Variants in MATK observed in about 807,000 individuals in gnomAD.
The protein encoded by MATK is megakaryocyte-associated tyrosine-protein kinase.
Under a neutral mutation model 59.8 loss-of-function variants are expected in MATK, and 41 were observed. The ratio of observed to expected loss-of-function variants is 0.69; its 90% CI spans 0.53 to 0.89. The LOEUF (loss-of-function observed/expected upper bound fraction) is 0.89, where lower values mean the gene tolerates loss of function less well. MATK is among the 40% of genes least tolerant of loss of function. The pLI, the probability that MATK is intolerant of heterozygous loss-of-function variation, is 0.00. For missense variants in MATK, 593 were observed against 719.6 expected (o/e 0.82, Z 2.01); for synonymous variants, 308 against 306.1 (o/e 1.01, Z -0.06).
intron 1 of MATK, 23 bp from the exon 2 acceptor site, chr19:3,785,309 G>A (rs2037466478): frequency 7.0e-7 from 1 of 1,425,378 alleles, no homozygotes; most frequent in Non-Finnish European, 9.3e-7. Flanking sequence ...CAGGGGCAGG[G>A]TGGGGAAATA....
upstream of MATK, among the ~76,000 whole-genome samples, chr19:3,788,164 G>A (rs2037507642): frequency 6.7e-6 from 1 of 148,678 alleles, no homozygotes; most frequent in Non-Finnish European, 1.5e-5. Flanking sequence ...GGGCATCCAG[G>A]ATGCTCTCTC....
chr19:3,778,104 C>T lies in MATK; in HGVS notation c.*79G>A. The T allele has an allele frequency of 4.0e-6, 6 of 1,493,492 alleles. No homozygotes were observed. The highest frequency in any genetic ancestry group is 5.3e-6 in the Non-Finnish European group (6 of 1,134,264). 92.5% of individuals were successfully genotyped at this position (1,493,492 alleles called of 1,614,324 possible). A position where few individuals can be genotyped will look rare whatever the true frequency, so the allele number is the denominator to read the frequency against. ...AGGATGACTTGCCCGCCTGGACCCT[C>T]CTTGGGCCTGGTCAGTGCCCCCACG... On this transcript the variant is annotated 3_prime_UTR_variant, in exon 14 of 14. Coordinates refer to ENST00000310132, the MANE Select transcript of MATK (RefSeq NM_139355.3).
chr19:3,795,722 C>G (rs1195295031), intron 1 of MATK, among the ~76,000 whole-genome samples: 1 of 146,546 alleles, frequency 6.8e-6, no homozygotes, highest in Non-Finnish European at 1.5e-5. Flanking sequence ...GCTGCCTTCT[C>G]ACAGTCTTTA....
At chr19:3,785,010 C>T in intron 2 of MATK, 54 bp downstream of exon 2, 1 of 1,584,366 alleles carries the variant, frequency 6.3e-7, no homozygotes, top group East Asian at 2.2e-5. Flanking sequence ...CAGAGGCATC[C>T]TGGATGGGAC....
rs1195871522 is a variant in MATK at position 3,786,146 on chromosome 19, C to A, written c.-152+23G>T. On this transcript the variant is annotated intron_variant, in intron 1 of 13. Transcript: ENST00000310132. The surrounding 1 kb of genome is among the most constrained non-coding windows in gnomAD (Gnocchi z 4.1). ...CCACCCCGGCCTCGGGGTCTCTCCA[C>A]GTCTCCCCGCCGACGTGCTCACCTG... 10 of 962,884 alleles carry A rather than the reference C, an allele frequency of 1.0e-5. No individual in the cohort carries two copies. Among genetic ancestry groups the A allele is most frequent in the South Asian group, 4.8e-5 (1 of 20,870 alleles). 59.6% of individuals were successfully genotyped at this position (962,884 alleles called of 1,614,324 possible).
upstream of MATK, chr19:3,786,480 G>A: frequency 2.4e-6 from 2 of 819,266 alleles, no homozygotes; most frequent in Non-Finnish European, 2.9e-6. This position sits in a 1 kb window ranked among gnomAD's most constrained non-coding sequence, Gnocchi z 4.1. Flanking sequence ...GTCCCGGGGC[G>A]CACGCGGGCT....
chr19:3,801,583 C>G (rs1055494326), exon 1 of MATK: 8 of 152,470 alleles, frequency 5.2e-5, no homozygotes, highest in Non-Finnish European at 7.3e-5. Context: ...CCGAGGTCCC[C>G]GCGCTCCAGT....
At chr19:3,793,567 T>C (rs2037564185) in intron 1 of MATK, among the ~76,000 whole-genome samples, 2 of 152,108 alleles carry the variant, frequency 1.3e-5, no homozygotes, top group South Asian at 4.1e-4. Flanking sequence ...CCAGGTGTGG[T>C]GGCGGGTGCC....
Position 3,778,011 on chromosome 19 carries a change from CA to C in MATK, c.*171del. The C allele has an allele frequency of 1.2e-6, 1 of 817,146 alleles. No individual in the cohort carries two copies. Among genetic ancestry groups the C allele is most frequent in the Non-Finnish European group, 1.8e-6 (1 of 557,702 alleles). The allele number at this position is 817,146 out of a possible 1,614,324, so 50.6% of individuals were successfully genotyped here. On this transcript the variant is annotated 3_prime_UTR_variant, in exon 14 of 14. Coordinates refer to ENST00000310132, the MANE Select transcript of MATK (RefSeq NM_139355.3). ...GTCTTTATCGGGCGATCATCCTTCGCAGGTCTGGGGTGTCCACGGGCCGCCC... is the reference window on the plus strand; with the variant it reads ...GTCTTTATCGGGCGATCATCCTTCGCGGTCTGGGGTGTCCACGGGCCGCCC...
At chr19:3,790,977 G>A (rs939183731), upstream of MATK, among the ~76,000 whole-genome samples, 5 of 152,166 alleles carry the variant, frequency 3.3e-5, no homozygotes, top group Non-Finnish European at 5.9e-5. Context: ...AGCAGGGAGA[G>A]ACACTGAATC....
In MATK at chr19:3,784,221, C is replaced by T. The variant is rs774774723; in HGVS notation, c.265G>A (p.Val89Ile). ...EACENKSWYR[V>I]KHHTSGQEGL... ...TCCTGTCCACTGGTGTGGTGCTTGA[C>T]GCGGTACCAGCTCTTGTTCTGCCAG... The change falls in exon 5 of 14, where the codon GTC becomes ATC. Residue 89 changes from valine to isoleucine, a missense_variant. Physicochemically the swap from Val to Ile is conservative, Grantham distance 29. Coordinates refer to ENST00000310132, the MANE Select transcript of MATK (RefSeq NM_139355.3). The T allele has an allele frequency of 5.6e-6, 9 of 1,613,144 alleles. No homozygotes were observed. Among genetic ancestry groups the T allele is most frequent in the Admixed American group, 5.0e-5 (3 of 59,976 alleles).
Position 3,783,889 on chromosome 19 carries a change from G to A in MATK, c.507C>T (p.Tyr169=). ...CVSFGRDVIH[Y]RVLHRDGHLT... ...GGTGGCCGTCGCGGTGCAGCACGCGGTAGTGGATGACGTCGCGGCCAAAGC... is the reference window on the plus strand; with the variant it reads ...GGTGGCCGTCGCGGTGCAGCACGCGATAGTGGATGACGTCGCGGCCAAAGC... Residue 169 remains tyrosine, a synonymous_variant, in exon 6 of 14, where the codon TAC becomes TAT. Transcript: ENST00000310132. 6.2e-7 allele frequency: 1 copy of A among 1,613,158 alleles called. No homozygotes were observed. The highest frequency in any genetic ancestry group is 8.5e-7 in the Non-Finnish European group (1 of 1,179,902).
Position 3,785,144 on chromosome 19 carries a change from G to A in MATK, c.-9C>T, listed in dbSNP as rs776029525. 6.2e-7 allele frequency: 1 copy of A among 1,613,930 alleles called. No homozygotes were observed. The highest frequency in any genetic ancestry group is 2.2e-5 in the East Asian group (1 of 44,888). On this transcript the variant is annotated 5_prime_UTR_variant, in exon 2 of 14. Coordinates refer to ENST00000310132, the MANE Select transcript of MATK (RefSeq NM_139355.3). ...GAGCCTCGCCCCGCCATCGCCCCCAGAGGGAAACTGAGGCAGGTGAGAGGC... is the reference window on the plus strand; with the variant it reads ...GAGCCTCGCCCCGCCATCGCCCCCAAAGGGAAACTGAGGCAGGTGAGAGGC...
Position 3,784,361 on chromosome 19 carries a change from C to T in MATK, c.223G>A (p.Val75Ile), listed in dbSNP as rs377701442. 1.7e-5 allele frequency: 27 copies of T among 1,607,718 alleles called. No homozygotes were observed. The highest frequency in any genetic ancestry group is 2.2e-5 in the Non-Finnish European group (26 of 1,178,390). Residue 75 changes from valine to isoleucine, a missense_variant, in exon 4 of 14, where the codon GTC becomes ATC. By Grantham distance (29) the Val-to-Ile change is conservative. Coordinates refer to ENST00000310132, the MANE Select transcript of MATK (RefSeq NM_139355.3). ...GELAFRKGDVVTILEACENKS... is the reference protein window; with the variant it reads ...GELAFRKGDVITILEACENKS... ...ACCTCGCAGGCCTCCAGGATGGTGA[C>T]CACGTCGCCCTTGCGGAAGGCCAGC...
chr19:3,784,894 G>A lies in MATK; in HGVS notation c.73-10C>T, dbSNP rs1272826240. On this transcript the variant is annotated splice_polypyrimidine_tract_variant and intron_variant, in intron 2 of 13. Coordinates refer to ENST00000310132, the MANE Select transcript of MATK (RefSeq NM_139355.3). ...GGAAGCGGGGGCTCACCTGGGGAGG[G>A]GACAGAGTCCAGGTGGGAGCTGGGC... 1.3e-6 allele frequency: 2 copies of A among 1,518,408 alleles called. No individual in the cohort carries two copies. The highest frequency in any genetic ancestry group is 1.2e-5 in the South Asian group (1 of 83,632). 94.1% of individuals were successfully genotyped at this position (1,518,408 alleles called of 1,614,324 possible).
chr19:3,786,985 T>TGGGGGCCCCAC (rs2037493357), upstream of MATK, among the ~76,000 whole-genome samples: 2 of 151,534 alleles, frequency 1.3e-5, no homozygotes, highest in Non-Finnish European at 2.9e-5. This position sits in a 1 kb window ranked among gnomAD's most constrained non-coding sequence, Gnocchi z 4.1. Flanking sequence ...ATATGGAGGG[T>TGGGGGCCCCAC]GGGGGCCCCA....
At chr19:3,797,238 A>G (rs114629441) in intron 1 of MATK, among the ~76,000 whole-genome samples, 1 of 84,336 alleles carries the variant, frequency 1.2e-5, no homozygotes, top group African/African-American at 6.5e-5. Context: ...CTTCCCCCCC[A>G]CCCCCCCACT....
At chr19:3,800,161 A>G (rs2037630353) in intron 1 of MATK, among the ~76,000 whole-genome samples, 2 of 151,992 alleles carry the variant, frequency 1.3e-5, no homozygotes, top group Non-Finnish European at 2.9e-5. Context: ...AAAAAGAAAA[A>G]AAGGAAAAAA....
Position 3,785,289 on chromosome 19 carries a change from G to T in MATK, c.-151-3C>A, listed in dbSNP as rs1039368620. On this transcript the variant is annotated splice_region_variant and splice_polypyrimidine_tract_variant and intron_variant, in intron 1 of 13. Transcript: ENST00000310132. ...CCGAGCCTGGTTCTTCCTGTTTTCTGGTTGGTAGGCAGGGGCAGGGTGGGG... is the reference window on the plus strand; with the variant it reads ...CCGAGCCTGGTTCTTCCTGTTTTCTTGTTGGTAGGCAGGGGCAGGGTGGGG... 5.4e-6 allele frequency: 8 copies of T among 1,491,298 alleles called. No homozygotes were observed. The Admixed American group carries it at 1.1e-4, about 21-fold the overall frequency. 92.4% of individuals were successfully genotyped at this position (1,491,298 alleles called of 1,614,324 possible). A position where few individuals can be genotyped will look rare whatever the true frequency, so the allele number is the denominator to read the frequency against.
Sources: gnomAD v4.1 joint callset for allele counts (sites outside exome capture counted in the v4.1 genomes callset) on GRCh38, gnomAD v4.1.1 for gene constraint, Gnocchi (gnomAD v3.1) non-coding constraint, MANE v1.5 for transcripts, NCBI Gene and HGNC (gene_info 2026-07-23, HGNC 2026-07-21) for gene names.